Variants in FOXN3 observed in about 807,000 individuals in gnomAD.
The protein encoded by FOXN3 is forkhead box protein N3.
In FOXN3, 7 loss-of-function variants were observed where a neutral mutation model predicts 38.4. The ratio of observed to expected loss-of-function variants is 0.18; its 90% CI spans 0.10 to 0.34. The LOEUF is 0.34. FOXN3 is among the 10% of genes least tolerant of loss of function. FOXN3 has a pLI of 1.00. For synonymous variants in FOXN3, 230 were observed against 242.2 expected, an observed-to-expected ratio of 0.95 and a Z score of 0.47; for missense variants, 456 against 613.4, an observed-to-expected ratio of 0.74 and a Z score of 2.71.
At chr14:89,365,846 C>T (rs1387229922) in intron 2 of FOXN3, among the ~76,000 whole-genome samples, 3 of 152,172 alleles carry the variant, frequency 2.0e-5, no homozygotes, top group South Asian at 2.1e-4. Flanking sequence ...TAAACTCTCA[C>T]GTACACACAA....
intron 1 of FOXN3, among the ~76,000 whole-genome samples, chr14:89,507,641 G>T (rs2139801119): frequency 6.6e-6 from 1 of 152,242 alleles, no homozygotes; most frequent in Non-Finnish European, 1.5e-5. Flanking sequence ...GACTAATTCA[G>T]AAACAGCAAG....
intron 3 of FOXN3, among the ~76,000 whole-genome samples, chr14:89,288,653 TGTAATAGGCA>T (rs1277587689): frequency 2.5e-4 from 1 of 4,012 alleles, no homozygotes; most frequent in African/African-American, 3.2e-4. Context: ...CTCCAAAGGC[TGTAATAGGCA>T]CTCTCTTTCT....
At position 89,385,499 on chromosome 14, in the gene FOXN3, T is replaced by TAA. The variant is rs10681650; in HGVS notation, c.543+26433_543+26434dup. ...AATAACAAAAGCTGAGGCAAACATT[T>TAA]AAAAAAAAAAAAAAAAAAAAAAGGA... On this transcript the variant is annotated intron_variant, in intron 2 of 5. Transcript: ENST00000557258. Among the ~76,000 whole-genome samples the TAA allele has an allele frequency of 6.9e-3, 751 of 108,764 alleles. 7 individuals carry two copies. Among genetic ancestry groups the TAA allele is most frequent in the East Asian group, 0.013 (47 of 3,542 alleles). 71.4% of individuals were successfully genotyped at this position (108,764 alleles called of 152,430 possible).
intron 1 of FOXN3, among the ~76,000 whole-genome samples, chr14:89,552,196 GA>G (rs1472640693): frequency 6.6e-6 from 1 of 152,162 alleles, no homozygotes; most frequent in Non-Finnish European, 1.5e-5. Context: ...AAGAGCATCT[GA>G]AAAATCACTC....
chr14:89,336,553 GGCTCAGGTCCCA>G (rs1308172846), intron 3 of FOXN3, among the ~76,000 whole-genome samples: 1 of 152,134 alleles, frequency 6.6e-6, no homozygotes, highest in African/African-American at 2.4e-5. Flanking sequence ...AGATGAGGCC[GGCTCAGGTCCCA>G]GCTCAGCCAT....
intron 4 of FOXN3, chr14:89,263,770 T>C (rs1165098679): frequency 6.6e-6 from 1 of 152,104 alleles, no homozygotes; most frequent in Non-Finnish European, 1.5e-5. Context: ...TACCATGTAA[T>C]TGCCAGGGTG....
intron 1 of FOXN3, among the ~76,000 whole-genome samples, chr14:89,516,941 C>T (rs374709449): frequency 1.4e-4 from 21 of 152,192 alleles, no homozygotes; most frequent in Admixed American, 6.5e-4. Flanking sequence ...CAGTCCTGAA[C>T]TGCTCTCCTT....
intron 3 of FOXN3, among the ~76,000 whole-genome samples, chr14:89,310,509 T>A: frequency 6.6e-6 from 1 of 152,194 alleles, no homozygotes; most frequent in South Asian, 2.1e-4. Flanking sequence ...TTTCTCTCAG[T>A]CGCAAAGACA....
chr14:89,301,028 C>T (rs1887202123), intron 3 of FOXN3, among the ~76,000 whole-genome samples: 1 of 151,910 alleles, frequency 6.6e-6, no homozygotes, highest in African/African-American at 2.4e-5. Flanking sequence ...GTTTCAAACT[C>T]TTGACCTCAA....
chr14:89,357,450 T>C (rs1267532848), intron 2 of FOXN3, among the ~76,000 whole-genome samples: 2 of 151,674 alleles, frequency 1.3e-5, no homozygotes, highest in African/African-American at 4.8e-5. Context: ...CAACTAAAAA[T>C]ACAAAAAATT....
upstream of FOXN3, among the ~76,000 whole-genome samples, chr14:89,422,069 G>A (rs1029924674): frequency 2.7e-5 from 4 of 150,866 alleles, no homozygotes; most frequent in South Asian, 2.1e-4. Context: ...ATGGGGTCTC[G>A]CTATTTTGCC....
At position 89,163,926 on chromosome 14, in the gene FOXN3, C is replaced by G. The variant is rs1404644564; in HGVS notation, c.852-957G>C. On this transcript the variant is annotated intron_variant, in intron 5 of 5. Coordinates refer to ENST00000557258, the MANE Select transcript of FOXN3 (RefSeq NM_005197.4). The surrounding 1 kb of genome is among the most constrained non-coding windows in gnomAD (Gnocchi z 4.3). ...TTCCCTATAACAAGGTCCCTGCTACCCATGCCTATAAGGCGTCTGTAGCAC... is the reference window on the plus strand; with the variant it reads ...TTCCCTATAACAAGGTCCCTGCTACGCATGCCTATAAGGCGTCTGTAGCAC... 6.6e-6 allele frequency among the ~76,000 whole-genome samples: 1 copy of G among 152,198 alleles called. No individual in the cohort carries two copies. The highest frequency in any genetic ancestry group is 2.4e-5 in the African/African-American group (1 of 41,432).
intron 4 of FOXN3, among the ~76,000 whole-genome samples, chr14:89,198,205 T>C (rs1888146900): frequency 6.6e-6 from 1 of 152,228 alleles, no homozygotes; most frequent in South Asian, 2.1e-4. Flanking sequence ...TTTTTTCTTG[T>C]CATTATTCCC....
chr14:89,343,279 CT>C (rs1163769727), intron 3 of FOXN3, among the ~76,000 whole-genome samples: 1 of 152,122 alleles, frequency 6.6e-6, no homozygotes, highest in Non-Finnish European at 1.5e-5. Context: ...TTCTAATTGT[CT>C]AAAAGGATGA....
chr14:89,265,699 G>C (rs186525567), intron 4 of FOXN3, among the ~76,000 whole-genome samples: 16 of 152,302 alleles, frequency 1.1e-4, no homozygotes, highest in African/African-American at 3.8e-4. Flanking sequence ...AATTACACAT[G>C]CAAGTATACA....
At chr14:89,303,362 T>G (rs1301811466) in intron 3 of FOXN3, among the ~76,000 whole-genome samples, 1 of 152,084 alleles carries the variant, frequency 6.6e-6, no homozygotes, top group Non-Finnish European at 1.5e-5. Flanking sequence ...TGCTGTCTCC[T>G]TTCCATGAAA....
intron 1 of FOXN3, among the ~76,000 whole-genome samples, chr14:89,523,814 G>A (rs1488121992): frequency 7.9e-5 from 12 of 152,036 alleles, no homozygotes; most frequent in Admixed American, 4.6e-4. Flanking sequence ...CCAGGCTGGA[G>A]TGCAATGGTG....
chr14:89,296,583 T>A (rs1887046743), intron 3 of FOXN3, among the ~76,000 whole-genome samples: 1 of 152,188 alleles, frequency 6.6e-6, no homozygotes. Flanking sequence ...TAGCTTCATC[T>A]CTGAAGCAGC....
intron 1 of FOXN3, among the ~76,000 whole-genome samples, chr14:89,493,448 A>G (rs974376494): frequency 6.6e-5 from 10 of 152,206 alleles, no homozygotes; most frequent in Admixed American, 2.6e-4. Flanking sequence ...AAAGTCACAC[A>G]CTTACAAAGT....
Sources: allele counts gnomAD v4.1 joint callset (sites outside exome capture counted in the v4.1 genomes callset), GRCh38; gene constraint gnomAD v4.1.1; non-coding constraint Gnocchi (gnomAD v3.1); transcripts MANE v1.5; gene names NCBI Gene and HGNC (gene_info 2026-07-23, HGNC 2026-07-21).